SLC25A33: variants seen among roughly 807,000 people sequenced by gnomAD.
The protein encoded by SLC25A33 is solute carrier family 25 member 33, also known as bone marrow stromal cell mitochondrial carrier protein.
In SLC25A33, 15 loss-of-function variants were observed where a neutral mutation model predicts 35.5. The observed-to-expected ratio is 0.42, with a 90% confidence interval of 0.28 to 0.65. The LOEUF (loss-of-function observed/expected upper bound fraction) is 0.65, where lower values mean the gene tolerates loss of function less well. Ranked by LOEUF, SLC25A33 falls within the 30% of genes least tolerant of loss-of-function variation. The probability of loss-of-function intolerance (pLI) is 0.20; values close to 1 mark genes in which losing one functional copy is unlikely to be tolerated. For synonymous variants in SLC25A33, 136 were observed against 148.7 expected (o/e 0.91, Z 0.62); for missense variants, 257 against 398.5 (o/e 0.64, Z 3.02).
chr1:9,547,297 T>C (rs1318482362), intron 1 of SLC25A33, among the ~76,000 whole-genome samples: 1 of 151,996 alleles, frequency 6.6e-6, no homozygotes, highest in Non-Finnish European at 1.5e-5. Flanking sequence ...CTACTAAAAA[T>C]ACAAAAATTA....
chr1:9,550,453 T>G (rs1185147750), intron 1 of SLC25A33, among the ~76,000 whole-genome samples: 2 of 152,088 alleles, frequency 1.3e-5, no homozygotes, highest in Non-Finnish European at 2.9e-5. Context: ...GATGAAAGGA[T>G]TTACCCAGAA....
Position 9,585,017 on chromosome 1 carries a change from C to G in SLC25A33, c.*2516C>G, listed in dbSNP as rs1473492893. 3 of 152,208 alleles carry G rather than the reference C, an allele frequency of 2.0e-5. No homozygotes were observed. The East Asian group carries it at 5.8e-4, about 29-fold the overall frequency. 9.4% of individuals were successfully genotyped at this position (152,208 alleles called of 1,614,324 possible). On this transcript the variant is annotated 3_prime_UTR_variant, in exon 7 of 7. Coordinates refer to ENST00000302692, the MANE Select transcript of SLC25A33 (RefSeq NM_032315.3). ...CAGAGTAACATCTAATTTTAATATT[C>G]ACATTCCTATTTTAATATTCATATT... is the stretch of plus-strand genomic sequence containing the variant.
chr1:9,546,644 T>C (rs190280619), intron 1 of SLC25A33, among the ~76,000 whole-genome samples: 1 of 152,236 alleles, frequency 6.6e-6, no homozygotes, highest in African/African-American at 2.4e-5. Context: ...AGTAAAACTC[T>C]TTAATTGCTT....
At chr1:9,542,223 C>T (rs1643095326) in intron 1 of SLC25A33, among the ~76,000 whole-genome samples, 1 of 152,110 alleles carries the variant, frequency 6.6e-6, no homozygotes, top group Non-Finnish European at 1.5e-5. Context: ...CTGTACCCTT[C>T]CCTGTGCCCT....
intron 2 of SLC25A33, among the ~76,000 whole-genome samples, chr1:9,566,496 A>G (rs997244221): frequency 5.3e-5 from 8 of 152,210 alleles, no homozygotes; most frequent in Non-Finnish European, 1.2e-4. Flanking sequence ...ACCCTCTGCC[A>G]GATACTCATC....
At chr1:9,543,995 C>T (rs1569838882) in intron 1 of SLC25A33, among the ~76,000 whole-genome samples, 1 of 151,878 alleles carries the variant, frequency 6.6e-6, no homozygotes, top group African/African-American at 2.4e-5. Flanking sequence ...ATCCCAGCTA[C>T]GTGGGAGGCT....
chr1:9,554,020 TTAAAG>T (rs1391589601), intron 2 of SLC25A33, among the ~76,000 whole-genome samples: 1 of 152,172 alleles, frequency 6.6e-6, no homozygotes, highest in East Asian at 1.9e-4. Flanking sequence ...TCCAGGGCAG[TTAAAG>T]TAAACCTAGC....
Position 9,539,493 on chromosome 1 carries a change from G to A in SLC25A33, c.-199G>A. ...TCCCCGCCGGGCTCGCGCCGCAGAG[G>A]CCGGTGAGGCGCCGGCGGCCACGCC... On this transcript the variant is annotated 5_prime_UTR_variant, in exon 1 of 7. Coordinates refer to ENST00000302692, the MANE Select transcript of SLC25A33 (RefSeq NM_032315.3). The A allele has an allele frequency of 4.7e-6, 1 of 214,608 alleles. No individual in the cohort carries two copies. Among genetic ancestry groups the A allele is most frequent in the Non-Finnish European group, 8.8e-6 (1 of 113,262 alleles). 13.3% of individuals were successfully genotyped at this position (214,608 alleles called of 1,614,324 possible).
At chr1:9,549,996 C>CATATATATATATATATATAT (rs1314749490) in intron 1 of SLC25A33, among the ~76,000 whole-genome samples, 1 of 72,064 alleles carries the variant, frequency 1.4e-5, no homozygotes, top group African/African-American at 6.8e-5. Flanking sequence ...TTTTTCTATA[C>CATATATATATATATATATAT]ATATATATAT....
At chr1:9,553,468 C>T (rs920514097) in intron 1 of SLC25A33, among the ~76,000 whole-genome samples, 158 bp from the exon 2 acceptor site, 3 of 151,840 alleles carry the variant, frequency 2.0e-5, no homozygotes, top group Non-Finnish European at 4.4e-5. Context: ...CTGCTGACCT[C>T]GTGATCCACC....
At chr1:9,556,197 C>T (rs184412406) in intron 2 of SLC25A33, 9 of 985,320 alleles carry the variant, frequency 9.1e-6, no homozygotes, top group Non-Finnish European at 1.1e-5. Flanking sequence ...GCCAGTGTCC[C>T]GGGTGACACC....
Position 9,582,462 on chromosome 1 carries a change from T to C in SLC25A33, c.927T>C (p.Tyr309=), listed in dbSNP as rs775754541. Residue 309 remains tyrosine, a synonymous_variant, in exon 7 of 7, where the codon TAT becomes TAC. Coordinates refer to ENST00000302692, the MANE Select transcript of SLC25A33 (RefSeq NM_032315.3). The surrounding 1 kb of genome is among the most constrained non-coding windows in gnomAD (Gnocchi z 4.0). ...IPNTAIVLST[Y]ELIVYLLEDR... is the part of the protein sequence containing the mutation. ...ATACTGCCATTGTGTTGTCTACTTA[T>C]GAGTTAATTGTGTACCTGTTAGAAG... 5.6e-6 allele frequency: 9 copies of C among 1,613,792 alleles called. No individual in the cohort carries two copies. The highest frequency in any genetic ancestry group is 2.7e-5 in the African/African-American group (2 of 74,932).
At chr1:9,558,377 C>T (rs1643375394) in intron 2 of SLC25A33, among the ~76,000 whole-genome samples, 1 of 152,168 alleles carries the variant, frequency 6.6e-6, no homozygotes, top group Non-Finnish European at 1.5e-5. Flanking sequence ...GGGCCCAGAC[C>T]CTGGCCTTCT....
rs1643544200 is a variant in SLC25A33 at position 9,568,627 on chromosome 1, G to T, written c.314+1266G>T. On this transcript the variant is annotated intron_variant, in intron 3 of 6. Coordinates refer to ENST00000302692, the MANE Select transcript of SLC25A33 (RefSeq NM_032315.3). ...AGCACTTTGGGAGGCCGAGGCCGGG[G>T]GATCACGGGGTCAGGAGATCGAGAC... is the stretch of plus-strand genomic sequence containing the variant. 2.0e-5 allele frequency among the ~76,000 whole-genome samples: 3 copies of T among 151,990 alleles called. No homozygotes were observed. The South Asian group carries it at 6.2e-4, about 31-fold the overall frequency.
In SLC25A33 at chr1:9,539,860, C is replaced by G. The variant is rs1227163732; in HGVS notation, c.56+113C>G. ...GTTACCGGCCTTCCCCGGGCTACGG[C>G]GCCGGCGCTCGGGAGGAGGAAGTCC... On this transcript the variant is annotated intron_variant, in intron 1 of 6. Coordinates refer to ENST00000302692, the MANE Select transcript of SLC25A33 (RefSeq NM_032315.3). 5 of 1,005,006 alleles carry G rather than the reference C, an allele frequency of 5.0e-6. No individual in the cohort carries two copies. The African/African-American group carries it at 8.6e-5, about 17-fold the overall frequency. The allele number at this position is 1,005,006 out of a possible 1,614,324, so 62.3% of individuals were successfully genotyped here. A position where few individuals can be genotyped will look rare whatever the true frequency, so the allele number is the denominator to read the frequency against.
intron 1 of SLC25A33, among the ~76,000 whole-genome samples, chr1:9,540,555 A>C (rs1436222121): frequency 6.6e-6 from 1 of 151,936 alleles, no homozygotes; most frequent in Non-Finnish European, 1.5e-5. Flanking sequence ...TAGAAGGTAA[A>C]ATATTTTTGA....
chr1:9,553,642 G>C lies in SLC25A33; in HGVS notation c.73G>C (p.Gly25Arg), dbSNP rs770971759. The change falls in exon 2 of 7, where the codon GGT becomes CGT. Residue 25 changes from glycine to arginine, a missense_variant. Transcript: ENST00000302692. Reference sequence around the variant, plus strand: ...CCCTTACAGGTGTGGAGGCACAGTTGGTGCTATTTTCACTTGTCCACTAGA... The same window carrying C: ...CCCTTACAGGTGTGGAGGCACAGTTCGTGCTATTTTCACTTGTCCACTAGA... ...LFAGGCGGTV[G>R]AIFTCPLEVI... is the part of the protein sequence containing the mutation. The C allele has an allele frequency of 6.2e-7, 1 of 1,613,350 alleles. No homozygotes were observed. The highest frequency in any genetic ancestry group is 1.1e-5 in the South Asian group (1 of 91,038).
rs1165009573 is a variant in SLC25A33, at chr1:9,573,283, A to G, written c.416-63A>G. 5.1e-5 allele frequency: 60 copies of G among 1,185,358 alleles called. 1 individual carries two copies. In the East Asian group the frequency reaches 1.3e-3, roughly 26 times the overall value. The allele number at this position is 1,185,358 out of a possible 1,614,324, so 73.4% of individuals were successfully genotyped here. On this transcript the variant is annotated intron_variant, in intron 4 of 6. Transcript: ENST00000302692. ...ATTTCAAAGTTTATTATATGATAATAGACATCTTTAATAAGTATGGACTAT... is the reference window on the plus strand; with the variant it reads ...ATTTCAAAGTTTATTATATGATAATGGACATCTTTAATAAGTATGGACTAT...
At chr1:9,568,045 G>A (rs1011626979) in intron 3 of SLC25A33, among the ~76,000 whole-genome samples, 7 of 152,226 alleles carry the variant, frequency 4.6e-5, no homozygotes, top group Non-Finnish European at 1.0e-4. Context: ...ATCCTATCTT[G>A]GCAGAAAGTT....
Sources: allele counts gnomAD v4.1 joint callset (sites outside exome capture counted in the v4.1 genomes callset), GRCh38; gene constraint gnomAD v4.1.1; non-coding constraint Gnocchi (gnomAD v3.1); transcripts MANE v1.5; gene names NCBI Gene and HGNC (gene_info 2026-07-23, HGNC 2026-07-21).